NAALADL2: variants seen among roughly 807,000 people sequenced by gnomAD.
NAALADL2 encodes the protein inactive N-acetylated-alpha-linked acidic dipeptidase-like protein 2.
In NAALADL2, 76 loss-of-function variants were observed where a neutral mutation model predicts 87.2. The ratio of observed to expected loss-of-function variants is 0.87; its 90% CI spans 0.72 to 1.05. The LOEUF (loss-of-function observed/expected upper bound fraction) is 1.05. NAALADL2 is among the 50% of genes least tolerant of loss of function. The pLI, the probability that NAALADL2 is intolerant of heterozygous loss-of-function variation, is 0.00. For synonymous variants in NAALADL2, 354 were observed against 331.0 expected, an observed-to-expected ratio of 1.07 and a Z score of -0.75; for missense variants, 1,089 against 945.8, an observed-to-expected ratio of 1.15 and a Z score of -1.99.
At chr3:174,739,248 T>A (rs2109004839) in intron 3 of NAALADL2, among the ~76,000 whole-genome samples, 1 of 152,290 alleles carries the variant, frequency 6.6e-6, no homozygotes, top group East Asian at 1.9e-4. Flanking sequence ...AAGTACATTT[T>A]ATCAGATGGT....
intron 5 of NAALADL2, among the ~76,000 whole-genome samples, chr3:175,387,394 T>C (rs562416778): frequency 1.3e-5 from 2 of 152,250 alleles, no homozygotes; most frequent in South Asian, 2.1e-4. Flanking sequence ...TGTGGTACAA[T>C]TGGTCTAGGA....
intron 4 of NAALADL2, among the ~76,000 whole-genome samples, chr3:175,299,343 T>C (rs934606058): frequency 6.6e-6 from 1 of 152,206 alleles, no homozygotes; most frequent in Non-Finnish European, 1.5e-5. Flanking sequence ...CAGTGGTAGC[T>C]TGATGGGGAT....
chr3:174,576,702 A>G (rs567485705), intron 2 of NAALADL2, among the ~76,000 whole-genome samples: 2 of 152,322 alleles, frequency 1.3e-5, no homozygotes, highest in South Asian at 4.1e-4. Context: ...TGAGAGCTTA[A>G]TAGCCTTGCT....
At chr3:174,654,396 T>G (rs1724695113) in intron 2 of NAALADL2, among the ~76,000 whole-genome samples, 1 of 152,270 alleles carries the variant, frequency 6.6e-6, no homozygotes, top group African/African-American at 2.4e-5. Context: ...ATTCTTAAAT[T>G]AAGACTCTTG....
At chr3:175,748,802 C>T (rs1002912728) in intron 12 of NAALADL2, among the ~76,000 whole-genome samples, 2 of 151,948 alleles carry the variant, frequency 1.3e-5, no homozygotes, top group South Asian at 2.1e-4. Flanking sequence ...TAAAATCACT[C>T]CTTAGAATAG....
intron 11 of NAALADL2, among the ~76,000 whole-genome samples, chr3:175,706,492 A>T (rs1290507537): frequency 6.6e-6 from 1 of 152,114 alleles, no homozygotes; most frequent in Middle Eastern, 3.2e-3. Context: ...TTTCTCTCAA[A>T]ATATCATATT....
intron 1 of NAALADL2, among the ~76,000 whole-genome samples, chr3:174,882,808 T>TATACACAC (rs1560319727): frequency 7.7e-5 from 8 of 103,866 alleles, no homozygotes; most frequent in African/African-American, 3.1e-4. Context: ...CGTGTGTATA[T>TATACACAC]GTGCATATGT....
At chr3:175,115,901 T>C (rs974776625) in intron 2 of NAALADL2, among the ~76,000 whole-genome samples, 5 of 151,918 alleles carry the variant, frequency 3.3e-5, no homozygotes, top group Non-Finnish European at 5.9e-5. Flanking sequence ...TCAAGTTGGC[T>C]TCATCCCTGG....
chr3:174,936,547 A>C (rs1737714786), intron 1 of NAALADL2, among the ~76,000 whole-genome samples: 1 of 152,070 alleles, frequency 6.6e-6, no homozygotes, highest in Non-Finnish European at 1.5e-5. Flanking sequence ...ATTAAACCCA[A>C]AGGTTCTGTA....
intron 1 of NAALADL2, among the ~76,000 whole-genome samples, chr3:175,048,637 T>C (rs536497345): frequency 2.0e-5 from 3 of 152,224 alleles, no homozygotes; most frequent in African/African-American, 4.8e-5. Flanking sequence ...GGTTTACTTA[T>C]AGGATTGAAT....
At chr3:175,127,178 T>C (rs1194513852) in intron 2 of NAALADL2, among the ~76,000 whole-genome samples, 1 of 152,092 alleles carries the variant, frequency 6.6e-6, no homozygotes, top group East Asian at 1.9e-4. Context: ...TCATGACATG[T>C]CATTCAGAAA....
intron 2 of NAALADL2, among the ~76,000 whole-genome samples, chr3:175,120,482 C>T (rs1725990280): frequency 1.3e-5 from 2 of 151,726 alleles, no homozygotes; most frequent in African/African-American, 4.8e-5. Flanking sequence ...GTGTGTTGTT[C>T]CACTAAACTG....
intron 2 of NAALADL2, among the ~76,000 whole-genome samples, chr3:174,642,581 T>A (rs588400): frequency 6.6e-6 from 1 of 150,424 alleles, no homozygotes; most frequent in African/African-American, 2.5e-5. Flanking sequence ...AAATCAGGAT[T>A]ACCTGCACAG....
At chr3:175,440,724 A>G (rs886254890) in intron 5 of NAALADL2, among the ~76,000 whole-genome samples, 1 of 152,084 alleles carries the variant, frequency 6.6e-6, no homozygotes, top group African/African-American at 2.4e-5. Context: ...TGATTTGTGT[A>G]CATTTATTTT....
At chr3:175,030,644 A>G (rs1053756388) in intron 1 of NAALADL2, among the ~76,000 whole-genome samples, 20 of 152,100 alleles carry the variant, frequency 1.3e-4, no homozygotes, top group African/African-American at 4.8e-4. Context: ...TTAGGACTGC[A>G]TAGAATTTGC....
At chr3:175,517,023 T>C (rs895280998) in intron 9 of NAALADL2, among the ~76,000 whole-genome samples, 11 of 152,354 alleles carry the variant, frequency 7.2e-5, no homozygotes, top group Non-Finnish European at 1.2e-4. Flanking sequence ...CAAGAACAAC[T>C]CTTCTTTCAG....
intron 5 of NAALADL2, chr3:175,369,718 A>G (rs1766208172): frequency 6.6e-6 from 1 of 152,192 alleles, no homozygotes; most frequent in Non-Finnish European, 1.5e-5. Context: ...TGCCTGAAAG[A>G]TATGCTTAGT....
chr3:174,666,565 T>C (rs1237911581), intron 2 of NAALADL2, among the ~76,000 whole-genome samples: 2 of 152,198 alleles, frequency 1.3e-5, no homozygotes, highest in Non-Finnish European at 2.9e-5. Flanking sequence ...TATTTAAATA[T>C]ACCAACATGA....
chr3:174,930,223 A>G (rs552107480), intron 1 of NAALADL2, among the ~76,000 whole-genome samples: 21 of 152,306 alleles, frequency 1.4e-4, no homozygotes, highest in Admixed American at 6.5e-4. Flanking sequence ...CAGTTTGGGC[A>G]GTTTTTAAAA....
Sources: gnomAD v4.1 joint callset for allele counts (sites outside exome capture counted in the v4.1 genomes callset) on GRCh38, gnomAD v4.1.1 for gene constraint, MANE v1.5 for transcripts, NCBI Gene and HGNC (gene_info 2026-07-23, HGNC 2026-07-21) for gene names.